LMF1: variants seen among roughly 807,000 people sequenced by gnomAD.
LMF1 encodes lipase maturation factor 1.
A neutral mutation model predicts 60.6 loss-of-function variants in LMF1; 68 were observed. The ratio of observed to expected loss-of-function variants is 1.12; its 90% confidence interval spans 0.92 to 1.37. LMF1 has a LOEUF of 1.37. Ranked by LOEUF, LMF1 falls within the 40% of genes most tolerant of loss-of-function variation. LMF1 has a pLI of 0.00. For missense variants in LMF1, 948 were observed against 767.2 expected (o/e 1.24, Z -2.78); for synonymous variants, 418 against 324.7 (o/e 1.29, Z -3.09).
At chr16:958,170 T>A (rs2072746714) in intron 1 of LMF1, among the ~76,000 whole-genome samples, 1 of 152,226 alleles carries the variant, frequency 6.6e-6, no homozygotes, top group South Asian at 2.1e-4. Flanking sequence ...AAAATCTATG[T>A]GACTTGGGTT....
intron 1 of LMF1, chr16:979,708 C>G (rs2073285360): frequency 2.2e-6 from 1 of 454,056 alleles, no homozygotes; most frequent in African/African-American, 2.0e-5. Context: ...AAAGAGAGCT[C>G]TCCACGGAGG....
Position 877,658 on chromosome 16 carries a change from C to T in LMF1, c.897+1912G>A, listed in dbSNP as rs147666768. ...AGCAGCCACGAAAACAACCCACAGC[C>T]GGCATCGTGAGAGGCAGTGCGCGGG... is the stretch of plus-strand genomic sequence containing the variant. On this transcript the variant is annotated intron_variant, in intron 6 of 10. Coordinates refer to ENST00000262301, the MANE Select transcript of LMF1 (RefSeq NM_022773.4). Among the ~76,000 whole-genome samples, 720 of 152,290 alleles carry T rather than the reference C, an allele frequency of 4.7e-3. 8 individuals carry two copies. Among genetic ancestry groups the T allele is most frequent in the African/African-American group, 0.016 (678 of 41,538 alleles).
chr16:897,982 G>T lies in LMF1; in HGVS notation c.664-4910C>A, dbSNP rs141787127. On this transcript the variant is annotated intron_variant, in intron 4 of 10. Coordinates refer to ENST00000262301, the MANE Select transcript of LMF1 (RefSeq NM_022773.4). The surrounding 1 kb of genome is among the most constrained non-coding windows in gnomAD (Gnocchi z 4.3). ...TGTACATGGCAGGCATCCTCTGCGT[G>T]GTGGGCGCCTTCTGCGTGGCGGGCG... Among the ~76,000 whole-genome samples the T allele has an allele frequency of 4.6e-5, 7 of 152,242 alleles. No homozygotes were observed. The highest frequency in any genetic ancestry group is 1.7e-4 in the African/African-American group (7 of 41,468).
At chr16:944,559 A>G (rs918683668) in intron 2 of LMF1, among the ~76,000 whole-genome samples, 2 of 152,192 alleles carry the variant, frequency 1.3e-5, no homozygotes, top group African/African-American at 4.8e-5. Flanking sequence ...TCTCCTTTCC[A>G]GGGACAGCAG....
At chr16:889,289 G>A (rs1462918428) in intron 5 of LMF1, among the ~76,000 whole-genome samples, 1 of 152,196 alleles carries the variant, frequency 6.6e-6, no homozygotes, top group Non-Finnish European at 1.5e-5. Context: ...TTAACCGACT[G>A]AATTTGCCGG....
chr16:959,983 G>A (rs765898449), intron 1 of LMF1, among the ~76,000 whole-genome samples: 5 of 151,700 alleles, frequency 3.3e-5, no homozygotes, highest in African/African-American at 9.8e-5. Context: ...AGGTGGATAC[G>A]ACAGAGAAGC....
chr16:876,869 G>GA (rs2070001583), intron 6 of LMF1, among the ~76,000 whole-genome samples: 2 of 152,062 alleles, frequency 1.3e-5, no homozygotes, highest in South Asian at 2.1e-4. Flanking sequence ...GAAAATAACA[G>GA]AAAAAAACGA....
At chr16:936,465 C>T (rs1473123753) in intron 2 of LMF1, among the ~76,000 whole-genome samples, 7 of 127,242 alleles carry the variant, frequency 5.5e-5, no homozygotes, top group South Asian at 2.8e-4. Context: ...GAGGGCACCC[C>T]GTGGGCTGAG....
At chr16:927,732 G>A (rs943521113) in intron 3 of LMF1, among the ~76,000 whole-genome samples, 1 of 152,210 alleles carries the variant, frequency 6.6e-6, no homozygotes, top group Admixed American at 6.5e-5. Flanking sequence ...CACTAATAGG[G>A]CTTAATAAAA....
At chr16:865,988 C>T (rs192066380) in intron 10 of LMF1, among the ~76,000 whole-genome samples, 3 of 152,214 alleles carry the variant, frequency 2.0e-5, no homozygotes, top group East Asian at 1.9e-4. Context: ...TTTAAAAAAC[C>T]GATTTCTTTG....
intron 2 of LMF1, among the ~76,000 whole-genome samples, chr16:953,957 CAAACCAGCCTCCT>C (rs1567311898): frequency 3.9e-5 from 3 of 76,404 alleles, no homozygotes; most frequent in African/African-American, 1.3e-4. Flanking sequence ...ACACCCACCC[CAAACCAGCCTCCT>C]ACATGTCCAC....
rs752909298 is a variant in LMF1, at chr16:854,517, A to G, written c.*15T>C. 1.9e-6 allele frequency: 3 copies of G among 1,602,778 alleles called. No homozygotes were observed. Among genetic ancestry groups the G allele is most frequent in the Admixed American group, 1.7e-5 (1 of 59,092 alleles). ...GCCGAGGGGCTGGGTCTTCGCCTTT[A>G]TTTCTGGTGCACGTCTAGAGGGGCC... is the stretch of plus-strand genomic sequence containing the variant. On this transcript the variant is annotated 3_prime_UTR_variant, in exon 11 of 11. Coordinates refer to ENST00000262301, the MANE Select transcript of LMF1 (RefSeq NM_022773.4).
intron 4 of LMF1, 122 bp downstream of exon 4, chr16:910,809 G>T: frequency 7.8e-7 from 1 of 1,280,110 alleles, no homozygotes; most frequent in Non-Finnish European, 1.1e-6. Context: ...GGCCAGGCCA[G>T]GCCGACAGGA....
chr16:858,102 T>G (rs1596825590), intron 10 of LMF1, among the ~76,000 whole-genome samples: 1 of 80,634 alleles, frequency 1.2e-5, no homozygotes, highest in Non-Finnish European at 2.3e-5. Context: ...TGGGTGTGAG[T>G]GGTGTCTCGG....
chr16:901,866 GC>G (rs201313547), intron 4 of LMF1: 4,504 of 152,480 alleles, frequency 0.03, 107 homozygotes, highest in Non-Finnish European at 0.046. Flanking sequence ...CTCTGGCCCA[GC>G]CCCAGGAAGC....
chr16:871,666 CCTCA>C, intron 6 of LMF1: 1 of 287,092 alleles, frequency 3.5e-6, no homozygotes, highest in Non-Finnish European at 6.6e-6. Context: ...TCCTGGAACT[CCTCA>C]CTTTCAGAGG....
chr16:871,264 G>A lies in LMF1; in HGVS notation c.975C>T (p.Asp325=), dbSNP rs780310924. 108 of 1,612,432 alleles carry A rather than the reference G, an allele frequency of 6.7e-5. No homozygotes were observed. The highest frequency in any genetic ancestry group is 3.7e-4 in the Admixed American group (22 of 59,984). ...AGGGGAACAAGAATCCCAGGGTGGC[G>A]TCATCAAAGCAGGCCAGGCTGGGCA... The part of the protein sequence containing the change: ...TMVPSLACFD[D]ATLGFLFPSG... The change falls in exon 7 of 11, where the codon GAC becomes GAT. Residue 325 remains aspartate, a synonymous_variant. Transcript: ENST00000262301.
chr16:870,626 G>A (rs2069754883), intron 8 of LMF1, 103 bp downstream of exon 8: 1 of 1,353,374 alleles, frequency 7.4e-7, no homozygotes. Context: ...GGGGACACTT[G>A]GGGTCATGGG....
chr16:865,786 T>C (rs1472062682), intron 10 of LMF1, among the ~76,000 whole-genome samples: 1 of 152,208 alleles, frequency 6.6e-6, no homozygotes, highest in Admixed American at 6.5e-5. Context: ...GAATTCTGGA[T>C]CTTCTGTTAC....
Sources: allele counts gnomAD v4.1 joint callset (sites outside exome capture counted in the v4.1 genomes callset), GRCh38; gene constraint gnomAD v4.1.1; non-coding constraint Gnocchi (gnomAD v3.1); transcripts MANE v1.5; gene names NCBI Gene and HGNC (gene_info 2026-07-23, HGNC 2026-07-21).